LMF1: variants seen among roughly 807,000 people sequenced by gnomAD.
LMF1 encodes the protein transmembrane protein 112.
LMF1 carries 68 observed loss-of-function variants against 60.6 expected under a neutral mutation model. The ratio of observed to expected loss-of-function variants is 1.12; its 90% CI spans 0.92 to 1.37. The LOEUF is 1.37. Among genes scored for constraint, LMF1 ranks in the 40% most tolerant of loss-of-function variants. The pLI is 0.00. For missense variants in LMF1, 948 were observed against 767.2 expected (o/e 1.24, Z -2.78); for synonymous variants, 418 against 324.7 (o/e 1.29, Z -3.09).
intron 2 of LMF1, 45 bp downstream of exon 2, chr16:954,311 GT>G: frequency 6.4e-7 from 1 of 1,568,106 alleles, no homozygotes; most frequent in Non-Finnish European, 8.7e-7. Flanking sequence ...CCTGTGCTGA[GT>G]GACAGCAAGC....
intron 3 of LMF1, among the ~76,000 whole-genome samples, chr16:926,174 G>A (rs2071593471): frequency 6.6e-6 from 1 of 151,974 alleles, no homozygotes; most frequent in Non-Finnish European, 1.5e-5. Flanking sequence ...ATACGCGTGT[G>A]CACACATTTG....
chr16:946,549 G>A (rs554925967), intron 2 of LMF1, among the ~76,000 whole-genome samples: 8 of 152,338 alleles, frequency 5.3e-5, no homozygotes, highest in East Asian at 1.9e-4. Context: ...TGTGAGGCCC[G>A]GACAGTCCTG....
At chr16:888,720 C>A (rs2070385140) in intron 5 of LMF1, among the ~76,000 whole-genome samples, 1 of 121,416 alleles carries the variant, frequency 8.2e-6, no homozygotes, top group East Asian at 2.5e-4. Flanking sequence ...CATGCCCAGT[C>A]CAAGGCCAGA....
upstream of LMF1, chr16:975,662 C>T: frequency 2.6e-6 from 1 of 386,608 alleles, no homozygotes; most frequent in Non-Finnish European, 5.1e-6. Context: ...AGGAAGCACG[C>T]TCCCTGCTCC....
At chr16:943,744 A>AC (rs1278260206) in intron 2 of LMF1, among the ~76,000 whole-genome samples, 1 of 151,418 alleles carries the variant, frequency 6.6e-6, no homozygotes, top group Non-Finnish European at 1.5e-5. Context: ...AAAAAAAAAA[A>AC]AAAAAAGAGG....
intron 2 of LMF1, chr16:947,352 A>G (rs12446579): frequency 0.44 from 176,273 of 398,066 alleles, 42,315 homozygotes; most frequent in African/African-American, 0.69. Context: ...GGCTACGCAG[A>G]GGCAGGTGGT....
chr16:866,044 G>A (rs1481969868), intron 10 of LMF1, among the ~76,000 whole-genome samples: 2 of 152,124 alleles, frequency 1.3e-5, no homozygotes, highest in African/African-American at 4.8e-5. Flanking sequence ...TACTGCATGC[G>A]TTTTCGACGG....
At chr16:980,916 G>A (rs2073337438) in intron 1 of LMF1, 1 of 152,044 alleles carries the variant, frequency 6.6e-6, no homozygotes, top group African/African-American at 2.4e-5. Flanking sequence ...CCGAGCCCTA[G>A]GTCACGCCCG....
At chr16:907,838 A>G (rs766869230) in intron 4 of LMF1, among the ~76,000 whole-genome samples, 3 of 152,214 alleles carry the variant, frequency 2.0e-5, no homozygotes, top group Non-Finnish European at 4.4e-5. Context: ...TCAAGTAATT[A>G]TACCTTTTAG....
intron 3 of LMF1, among the ~76,000 whole-genome samples, chr16:916,516 A>G (rs1450581516): frequency 2.6e-5 from 4 of 152,224 alleles, no homozygotes; most frequent in Admixed American, 6.5e-5. Context: ...ATCACGGAAC[A>G]GGGGCTGTGG....
chr16:891,392 G>C (rs1003696018), intron 5 of LMF1, among the ~76,000 whole-genome samples: 3 of 152,258 alleles, frequency 2.0e-5, no homozygotes, highest in Non-Finnish European at 4.4e-5. Context: ...GAAGGCATCA[G>C]AGTGTTTGTT....
intron 2 of LMF1, among the ~76,000 whole-genome samples, chr16:951,657 A>G (rs1344102750): frequency 6.6e-6 from 1 of 152,262 alleles, no homozygotes; most frequent in African/African-American, 2.4e-5. Context: ...ACGCTGCGAC[A>G]AACCACGCTC....
At chr16:902,912 G>A (rs1364707905) in intron 4 of LMF1, among the ~76,000 whole-genome samples, 1 of 80,316 alleles carries the variant, frequency 1.2e-5, no homozygotes, top group Admixed American at 1.2e-4. Context: ...CCTCTGCACT[G>A]CCCACAGGAT....
At chr16:906,667 C>A (rs1326313521) in intron 4 of LMF1, among the ~76,000 whole-genome samples, 3 of 152,116 alleles carry the variant, frequency 2.0e-5, no homozygotes, top group Non-Finnish European at 4.4e-5. Flanking sequence ...TCGAGGGAAC[C>A]CTCCACACAC....
chr16:944,727 C>A (rs1176561888), intron 2 of LMF1, among the ~76,000 whole-genome samples: 1 of 152,190 alleles, frequency 6.6e-6, no homozygotes, highest in African/African-American at 2.4e-5. Flanking sequence ...TCCTCTCCCT[C>A]AAACTGCCCC....
At chr16:880,600 G>T (rs2070133303) in intron 5 of LMF1, among the ~76,000 whole-genome samples, 1 of 152,250 alleles carries the variant, frequency 6.6e-6, no homozygotes, top group African/African-American at 2.4e-5. Context: ...AACCCAGGAG[G>T]TAGAGGCTGC....
intron 6 of LMF1, among the ~76,000 whole-genome samples, chr16:876,491 TATCAACTATACAAGGTCCTGGCC>T (rs1420385387): frequency 3.9e-5 from 6 of 152,154 alleles, no homozygotes; most frequent in African/African-American, 1.2e-4. Flanking sequence ...CAGTCCTGCC[TATCAACTATACAAGGTCCTGGCC>T]GATGCAAGAC....
intron 2 of LMF1, among the ~76,000 whole-genome samples, chr16:942,268 A>C (rs1272947687): frequency 2.0e-5 from 3 of 152,238 alleles, no homozygotes; most frequent in Admixed American, 6.5e-5. Flanking sequence ...AAGAAGCCAG[A>C]CATATTTGAA....
intron 6 of LMF1, 77 bp from the exon 7 acceptor site, chr16:871,418 A>C: frequency 3.2e-5 from 43 of 1,327,340 alleles, no homozygotes; most frequent in Non-Finnish European, 4.0e-5. Context: ...CTCTTCCTGG[A>C]GCAGGGAGGG....
Sources: gnomAD v4.1 joint callset for allele counts (sites outside exome capture counted in the v4.1 genomes callset) on GRCh38, gnomAD v4.1.1 for gene constraint, MANE v1.5 for transcripts, NCBI Gene and HGNC (gene_info 2026-07-23, HGNC 2026-07-21) for gene names.